LDB2: variants seen among roughly 807,000 people sequenced by gnomAD.
LDB2 encodes the protein LIM domain-binding protein 2.
A neutral mutation model predicts 44.3 loss-of-function variants in LDB2; 12 were observed. The ratio of observed to expected loss-of-function variants is 0.27; its 90% CI spans 0.17 to 0.44. The LOEUF (loss-of-function observed/expected upper bound fraction) is 0.44, where lower values mean the gene tolerates loss of function less well. Ranked by LOEUF, LDB2 falls within the 20% of genes least tolerant of loss-of-function variation. The probability of loss-of-function intolerance (pLI) is 1.00; values close to 1 mark genes in which losing one functional copy is unlikely to be tolerated. For missense variants in LDB2, 344 were observed against 473.5 expected (o/e 0.73, Z 2.54); for synonymous variants, 164 against 174.8 (o/e 0.94, Z 0.49).
At chr4:16,833,796 T>C (rs6821064) in intron 1 of LDB2, among the ~76,000 whole-genome samples, 96,305 of 152,004 alleles carry the variant, frequency 0.63, 30,617 homozygotes, top group Middle Eastern at 0.73. Context: ...CCGCTTTAGC[T>C]CCCCAAAGTG....
chr4:16,616,774 G>T (rs1376289332), intron 2 of LDB2, among the ~76,000 whole-genome samples: 2 of 152,086 alleles, frequency 1.3e-5, no homozygotes, highest in Non-Finnish European at 2.9e-5. Flanking sequence ...GCCTCCTCGA[G>T]TAAAAGTCCC....
In LDB2 at chr4:16,533,870, G is replaced by A. The variant is rs184183689; in HGVS notation, c.616-21766C>T. The stretch of plus-strand genomic sequence containing the variant: ...GCTTCCAGGCCAGTTCATGCCTACC[G>A]AAGTAAAAATCTTCATGCCAGTGAG... On this transcript the variant is annotated intron_variant, in intron 5 of 7. Transcript: ENST00000304523. This position sits in a 1 kb window ranked among gnomAD's most constrained non-coding sequence, Gnocchi z 4.1. 5.9e-5 allele frequency among the ~76,000 whole-genome samples: 9 copies of A among 152,252 alleles called. No homozygotes were observed. The highest frequency in any genetic ancestry group is 3.9e-4 in the East Asian group (2 of 5,178).
chr4:16,708,816 C>T (rs1321396424), intron 2 of LDB2, among the ~76,000 whole-genome samples: 18 of 151,952 alleles, frequency 1.2e-4, no homozygotes. Flanking sequence ...GCTATCTTTC[C>T]CCCAACACCT....
intron 5 of LDB2, among the ~76,000 whole-genome samples, chr4:16,566,734 G>A (rs1175750075): frequency 6.6e-6 from 1 of 152,078 alleles, no homozygotes; most frequent in Admixed American, 6.6e-5. Flanking sequence ...TTATGAGCTT[G>A]TAATGCAATT....
intron 1 of LDB2, among the ~76,000 whole-genome samples, chr4:16,850,817 T>C (rs1400251713): frequency 6.6e-6 from 1 of 152,190 alleles, no homozygotes; most frequent in African/African-American, 2.4e-5. Flanking sequence ...GATGAATCTA[T>C]AGTACCTGCT....
intron 2 of LDB2, among the ~76,000 whole-genome samples, chr4:16,712,138 T>G (rs1756025052): frequency 1.3e-5 from 2 of 152,188 alleles, no homozygotes; most frequent in African/African-American, 4.8e-5. Context: ...TACACACGCT[T>G]GGAGAAAATA....
intron 5 of LDB2, among the ~76,000 whole-genome samples, chr4:16,549,845 AG>A (rs1377114658): frequency 6.6e-6 from 1 of 152,246 alleles, no homozygotes; most frequent in Non-Finnish European, 1.5e-5. Flanking sequence ...ATTTTGCTAA[AG>A]GGCAGCAAAA....
chr4:16,755,472 GGTGTGTGTGTGTGTGTGTGT>G lies in LDB2; in HGVS notation c.235+3666_235+3685del, dbSNP rs58186199. ...TAGCTATGGCATGATGTAGGAATAG[GGTGTGTGTGTGTGTGTGTGT>G]GTGTGTGTGTGTGTGTGTGTGTGTG... is the stretch of plus-strand genomic sequence containing the variant. On this transcript the variant is annotated intron_variant, in intron 2 of 7. Transcript: ENST00000304523. Among the ~76,000 whole-genome samples the G allele has an allele frequency of 8.5e-4, 100 of 118,300 alleles. 1 individual carries two copies. The highest frequency in any genetic ancestry group is 2.6e-3 in the African/African-American group (79 of 30,448). The allele number at this position is 118,300 out of a possible 152,430, so 77.6% of individuals were successfully genotyped here.
chr4:16,883,561 T>C (rs1720806331), intron 1 of LDB2, among the ~76,000 whole-genome samples: 1 of 152,194 alleles, frequency 6.6e-6, no homozygotes, highest in Admixed American at 6.5e-5. Flanking sequence ...TGACAGATGA[T>C]TTTTCCCATT....
intron 5 of LDB2, among the ~76,000 whole-genome samples, chr4:16,548,326 C>T (rs200178517): frequency 1.3e-5 from 2 of 152,270 alleles, no homozygotes; most frequent in Non-Finnish European, 2.9e-5. Context: ...TAATAAGATT[C>T]GCCCAAGGCT....
intron 7 of LDB2, among the ~76,000 whole-genome samples, chr4:16,504,774 A>C (rs1300685304): frequency 6.6e-6 from 1 of 152,016 alleles, no homozygotes; most frequent in African/African-American, 2.4e-5. Flanking sequence ...CCACTGAGTT[A>C]TAGGCAATTA....
chr4:16,549,893 C>A (rs1737047681), intron 5 of LDB2, among the ~76,000 whole-genome samples: 1 of 152,162 alleles, frequency 6.6e-6, no homozygotes. Context: ...ATGTTAATGG[C>A]TCTAGTAGGA....
At chr4:16,761,717 A>T (rs1013039572) in intron 1 of LDB2, among the ~76,000 whole-genome samples, 12 of 152,218 alleles carry the variant, frequency 7.9e-5, no homozygotes, top group Non-Finnish European at 1.2e-4. Context: ...AATCTTCAGG[A>T]GATAAAATCT....
At chr4:16,710,009 A>G (rs1755517927) in intron 2 of LDB2, among the ~76,000 whole-genome samples, 5 of 152,196 alleles carry the variant, frequency 3.3e-5, no homozygotes, top group Admixed American at 3.3e-4. Context: ...CCTCTTTTAA[A>G]TTCTTAATAA....
chr4:16,797,933 G>A (rs1044037011), intron 1 of LDB2, among the ~76,000 whole-genome samples: 1 of 151,584 alleles, frequency 6.6e-6, no homozygotes, highest in Non-Finnish European at 1.5e-5. Flanking sequence ...TACTTGGGAG[G>A]CTGAGGCAGG....
At chr4:16,725,279 T>C (rs952580341) in intron 2 of LDB2, among the ~76,000 whole-genome samples, 1 of 151,762 alleles carries the variant, frequency 6.6e-6, no homozygotes, top group African/African-American at 2.4e-5. Context: ...CACGCACATA[T>C]ATACATCTGG....
intron 1 of LDB2, among the ~76,000 whole-genome samples, chr4:16,823,858 T>A (rs1561355019): frequency 6.6e-6 from 1 of 152,250 alleles, no homozygotes; most frequent in Non-Finnish European, 1.5e-5. Context: ...TTATGCCAGC[T>A]GATCACTTAA....
At chr4:16,660,233 A>G (rs1003977594) in intron 2 of LDB2, among the ~76,000 whole-genome samples, 3 of 152,174 alleles carry the variant, frequency 2.0e-5, no homozygotes, top group Admixed American at 6.5e-5. Flanking sequence ...TTGCAGTTAG[A>G]TATTGGCAAT....
At chr4:16,639,173 T>C (rs1734464756) in intron 2 of LDB2, among the ~76,000 whole-genome samples, 1 of 152,192 alleles carries the variant, frequency 6.6e-6, no homozygotes, top group Non-Finnish European at 1.5e-5. Flanking sequence ...AATGATTATA[T>C]GTAGAATTCA....
Sources: gnomAD v4.1 joint callset for allele counts (sites outside exome capture counted in the v4.1 genomes callset) on GRCh38, gnomAD v4.1.1 for gene constraint, Gnocchi (gnomAD v3.1) non-coding constraint, MANE v1.5 for transcripts, NCBI Gene and HGNC (gene_info 2026-07-23, HGNC 2026-07-21) for gene names.